The following TMEM108 variants were observed in gnomAD, a reference collection of about 807,000 sequenced individuals.
The protein encoded by TMEM108 is transmembrane protein 108.
In TMEM108, 12 loss-of-function variants were observed where a neutral mutation model predicts 35.1. The observed-to-expected ratio is 0.34, with a 90% CI of 0.22 to 0.55. The LOEUF (loss-of-function observed/expected upper bound fraction) is 0.55. Among genes scored for constraint, TMEM108 ranks in the 20% least tolerant of loss-of-function variants. The pLI is 0.89. For missense variants in TMEM108, 680 were observed against 753.3 expected, an observed-to-expected ratio of 0.90 and a Z score of 1.14; for synonymous variants, 287 against 308.6, an observed-to-expected ratio of 0.93 and a Z score of 0.73.
intron 3 of TMEM108, among the ~76,000 whole-genome samples, chr3:133,375,272 C>T (rs376418537): frequency 2.0e-5 from 3 of 152,278 alleles, no homozygotes; most frequent in African/African-American, 7.2e-5. Context: ...GGGTCCTGAG[C>T]TCATGTATGC....
intron 2 of TMEM108, among the ~76,000 whole-genome samples, chr3:133,150,102 G>T (rs1474673915): frequency 6.6e-6 from 1 of 152,004 alleles, no homozygotes; most frequent in African/African-American, 2.4e-5. Context: ...TACAATCCCA[G>T]CAAGAGTGTA....
In TMEM108 at chr3:133,346,710, C is replaced by T. The variant is rs912842146; in HGVS notation, c.41-33042C>T. 2.0e-5 allele frequency among the ~76,000 whole-genome samples: 3 copies of T among 151,934 alleles called. No homozygotes were observed. Among genetic ancestry groups the T allele is most frequent in the Non-Finnish European group, 2.9e-5 (2 of 67,878 alleles). Reference sequence around the variant, plus strand: ...TTGCTTTTTGTGTTGTATCTAAAAACTCATGAAACCCAAAGTCACCTAAAT... The same window carrying T: ...TTGCTTTTTGTGTTGTATCTAAAAATTCATGAAACCCAAAGTCACCTAAAT... On this transcript the variant is annotated intron_variant, in intron 3 of 5. Coordinates refer to ENST00000321871, the MANE Select transcript of TMEM108 (RefSeq NM_023943.4). This position sits in a 1 kb window ranked among gnomAD's most constrained non-coding sequence, Gnocchi z 4.0.
At chr3:133,354,967 T>C (rs534526352) in intron 3 of TMEM108, among the ~76,000 whole-genome samples, 1 of 152,312 alleles carries the variant, frequency 6.6e-6, no homozygotes, top group Admixed American at 6.5e-5. Flanking sequence ...TATTTCATTA[T>C]GTAAACCGTA....
intron 3 of TMEM108, among the ~76,000 whole-genome samples, chr3:133,336,989 G>T (rs577219691): frequency 6.6e-5 from 10 of 151,954 alleles, no homozygotes; most frequent in Admixed American, 2.6e-4. Flanking sequence ...GAAAGAGTGA[G>T]AAGGACTGTG....
chr3:133,065,079 A>T (rs556244692), intron 2 of TMEM108, among the ~76,000 whole-genome samples: 2 of 152,308 alleles, frequency 1.3e-5, no homozygotes, highest in African/African-American at 4.8e-5. Flanking sequence ...GAAGTTGGGG[A>T]AACTATCTCA....
At chr3:133,278,872 C>T (rs1946872799) in intron 3 of TMEM108, among the ~76,000 whole-genome samples, 1 of 152,162 alleles carries the variant, frequency 6.6e-6, no homozygotes, top group African/African-American at 2.4e-5. Flanking sequence ...TCTCAGGCCC[C>T]ACCCAGACCT....
At chr3:133,392,915 G>A (rs958592530) in intron 5 of TMEM108, among the ~76,000 whole-genome samples, 1 of 152,198 alleles carries the variant, frequency 6.6e-6, no homozygotes, top group African/African-American at 2.4e-5. Context: ...ACAAGAGCCA[G>A]ATGATCTTTT....
chr3:133,227,509 A>C (rs146387203), intron 2 of TMEM108, among the ~76,000 whole-genome samples: 1,877 of 151,582 alleles, frequency 0.012, 15 homozygotes, highest in South Asian at 0.024. Context: ...AGGCCTTTCT[A>C]ACCATGGTAG....
chr3:133,168,125 A>C (rs1193080521), intron 2 of TMEM108, among the ~76,000 whole-genome samples: 1 of 152,154 alleles, frequency 6.6e-6, no homozygotes, highest in African/African-American at 2.4e-5. Flanking sequence ...GTAATGAGGC[A>C]TGTCTGGCCT....
intron 3 of TMEM108, among the ~76,000 whole-genome samples, chr3:133,370,871 AGTGTGTGT>A (rs71624013): frequency 0.083 from 10,443 of 125,420 alleles, 531 homozygotes; most frequent in East Asian, 0.31. Context: ...CCCAGCCCAT[AGTGTGTGT>A]GTGTGTGTGT....
chr3:133,361,042 A>T (rs917643479), intron 3 of TMEM108, among the ~76,000 whole-genome samples: 9 of 152,238 alleles, frequency 5.9e-5, no homozygotes, highest in African/African-American at 2.2e-4. Context: ...CCACTTCAAG[A>T]TCGTGTCTCT....
At chr3:133,310,703 G>C (rs2071117347) in intron 3 of TMEM108, among the ~76,000 whole-genome samples, 1 of 151,462 alleles carries the variant, frequency 6.6e-6, no homozygotes, top group South Asian at 2.1e-4. Flanking sequence ...CTTTTAATTG[G>C]GGCATTTAGT....
chr3:133,331,857 A>G (rs58448458), intron 3 of TMEM108, among the ~76,000 whole-genome samples: 1 of 152,358 alleles, frequency 6.6e-6, no homozygotes, highest in East Asian at 1.9e-4. Context: ...TGTCAAAAAT[A>G]TGTACTGAAA....
intron 3 of TMEM108, among the ~76,000 whole-genome samples, chr3:133,358,769 A>G (rs2072255084): frequency 5.3e-5 from 8 of 151,910 alleles, no homozygotes; most frequent in African/African-American, 4.8e-5. Context: ...ACCCACAGCT[A>G]CTTCTTTTGC....
At chr3:133,059,550 C>T (rs1319685593) in intron 2 of TMEM108, among the ~76,000 whole-genome samples, 2 of 152,180 alleles carry the variant, frequency 1.3e-5, no homozygotes, top group Non-Finnish European at 2.9e-5. Context: ...GGCTTTACTA[C>T]TAGGAAATGA....
Position 133,290,170 on chromosome 3 carries a change from G to A in TMEM108, c.40+60819G>A, listed in dbSNP as rs551159714. On this transcript the variant is annotated intron_variant, in intron 3 of 5. Transcript: ENST00000321871. ...AGGGGATAGGAAATGTGGAGGGCAG[G>A]GAGGAGGTGAAATTCTAGACAAGGT... Among the ~76,000 whole-genome samples the A allele has an allele frequency of 3.3e-5, 5 of 152,182 alleles. No homozygotes were observed. In the South Asian group the frequency reaches 8.3e-4, roughly 25 times the overall value.
intron 3 of TMEM108, among the ~76,000 whole-genome samples, chr3:133,361,686 A>G (rs1462179749): frequency 1.3e-5 from 2 of 152,072 alleles, no homozygotes; most frequent in African/African-American, 2.4e-5. Flanking sequence ...GGGACTCCTA[A>G]GCATCTCTCT....
intron 3 of TMEM108, among the ~76,000 whole-genome samples, chr3:133,284,002 A>C (rs1307420219): frequency 6.6e-6 from 1 of 152,158 alleles, no homozygotes; most frequent in Non-Finnish European, 1.5e-5. Flanking sequence ...TGGCTACCAT[A>C]CTGGAAAGCA....
At chr3:133,045,253 C>T (rs1462069879) in intron 1 of TMEM108, among the ~76,000 whole-genome samples, 1 of 152,156 alleles carries the variant, frequency 6.6e-6, no homozygotes, top group East Asian at 1.9e-4. Flanking sequence ...CAGGCGTGAG[C>T]CACCGCACCT....
Sources: allele counts gnomAD v4.1 joint callset (sites outside exome capture counted in the v4.1 genomes callset), GRCh38; gene constraint gnomAD v4.1.1; non-coding constraint Gnocchi (gnomAD v3.1); transcripts MANE v1.5; gene names NCBI Gene and HGNC (gene_info 2026-07-23, HGNC 2026-07-21).